Variants in ASB4 observed in about 807,000 individuals in gnomAD.
The protein encoded by ASB4 is ankyrin repeat and SOCS box protein 4.
A neutral mutation model predicts 38.6 loss-of-function variants in ASB4; 35 were observed. That is an observed-to-expected ratio of 0.91 (90% confidence interval 0.69 to 1.20). The LOEUF (loss-of-function observed/expected upper bound fraction) is 1.20. Ranked by LOEUF, ASB4 falls within the 50% of genes most tolerant of loss-of-function variation. The pLI is 0.00. For synonymous variants in ASB4, 195 were observed against 201.3 expected, an observed-to-expected ratio of 0.97 and a Z score of 0.26; for missense variants, 557 against 527.2, an observed-to-expected ratio of 1.06 and a Z score of -0.55.
upstream of ASB4, among the ~76,000 whole-genome samples, chr7:95,476,547 A>G (rs926916981): frequency 4.6e-5 from 7 of 152,312 alleles, 2 homozygotes; most frequent in South Asian, 1.4e-3. Context: ...ACTAGAAAAG[A>G]CCAGGGCTGG....
At chr7:95,483,014 C>A (rs539138439), upstream of ASB4, among the ~76,000 whole-genome samples, 1 of 152,290 alleles carries the variant, frequency 6.6e-6, no homozygotes, top group Admixed American at 6.5e-5. Flanking sequence ...AAGAAGATGG[C>A]ACAATAGAAG....
intron 2 of ASB4, among the ~76,000 whole-genome samples, chr7:95,499,050 G>C (rs1297973686): frequency 6.6e-6 from 1 of 152,006 alleles, no homozygotes; most frequent in Non-Finnish European, 1.5e-5. Flanking sequence ...GATTGCCACA[G>C]GTTTGTATCA....
rs1790173316 is a variant in ASB4 at position 95,491,654 on chromosome 7, T to C, written c.188-4104T>C. ...GCTGTGGTCATTGGTGGTTATATTT[T>C]GGGGGACAAATTCTGATCTCTTGAC... On this transcript the variant is annotated intron_variant, in intron 1 of 4. Coordinates refer to ENST00000325885, the MANE Select transcript of ASB4 (RefSeq NM_016116.3). Among the ~76,000 whole-genome samples the C allele has an allele frequency of 2.0e-5, 3 of 152,204 alleles. No homozygotes were observed. In the South Asian group the frequency reaches 6.2e-4, roughly 32 times the overall value.
chr7:95,470,855 T>C, the ASB4 span, among the ~76,000 whole-genome samples: 403 of 152,308 alleles, frequency 2.6e-3, 3 homozygotes, highest in Non-Finnish European at 4.3e-3. Context: ...ACATGTTTTA[T>C]TCAAAATTCT....
chr7:95,499,942 C>T lies in ASB4; in HGVS notation c.487+3885C>T, dbSNP rs191593948. Among the ~76,000 whole-genome samples, 60 of 135,734 alleles carry T rather than the reference C, an allele frequency of 4.4e-4. No homozygotes were observed. The East Asian group carries it at 9.2e-3, about 21-fold the overall frequency. 89.0% of individuals were successfully genotyped at this position (135,734 alleles called of 152,430 possible). A position where few individuals can be genotyped will look rare whatever the true frequency, so the allele number is the denominator to read the frequency against. On this transcript the variant is annotated intron_variant, in intron 2 of 4. Coordinates refer to ENST00000325885, the MANE Select transcript of ASB4 (RefSeq NM_016116.3). ...GGGCTGGAGTGCAGTGGTGCGATCT[C>T]GGCTCACTGCAAGCTCTGCCTCCCG...
chr7:95,491,760 CTCCATGACAGTAAGTGTATTTACT>C (rs1215468265), intron 1 of ASB4, among the ~76,000 whole-genome samples: 2 of 152,148 alleles, frequency 1.3e-5, no homozygotes, highest in African/African-American at 4.8e-5. Context: ...GGGTTTGGTC[CTCCATGACAGTAAGTGTATTTACT>C]TCCACACTTG....
chr7:95,501,446 C>A (rs1004077328), intron 2 of ASB4, among the ~76,000 whole-genome samples: 3 of 152,164 alleles, frequency 2.0e-5, no homozygotes, highest in Admixed American at 6.5e-5. Context: ...AATAGATAGG[C>A]CTGCTGGACA....
rs533803896 is a variant in ASB4 at position 95,537,931 on chromosome 7, A to C, written c.*172A>C. The stretch of plus-strand genomic sequence containing the variant: ...ATATCATGGTATGGGGAAATAAAGA[A>C]GAAGTAAAGTTAAGGAATTTTCAAA... On this transcript the variant is annotated 3_prime_UTR_variant, in exon 5 of 5. Coordinates refer to ENST00000325885, the MANE Select transcript of ASB4 (RefSeq NM_016116.3). 1.3e-4 allele frequency: 76 copies of C among 592,674 alleles called. 3 individuals are homozygous for C. The South Asian group carries it at 1.7e-3, about 13-fold the overall frequency. The allele number at this position is 592,674 out of a possible 1,614,324, so 36.7% of individuals were successfully genotyped here.
rs1562817284 is a variant in ASB4, at chr7:95,515,301, CTTTCTTTCTTTCTTT to C, written c.488-12511_488-12497del. On this transcript the variant is annotated intron_variant, in intron 2 of 4. Transcript: ENST00000325885. ...TCTTTCTTTCTTTCTTTCTTTCTTT[CTTTCTTTCTTTCTTT>C]CTTCCTTCCTTCCTTCCTTTCTTTC... Among the ~76,000 whole-genome samples the C allele has an allele frequency of 8.2e-4, 100 of 122,356 alleles. 1 individual carries two copies. The highest frequency in any genetic ancestry group is 2.5e-3 in the African/African-American group (83 of 33,352). 80.3% of individuals were successfully genotyped at this position (122,356 alleles called of 152,430 possible).
chr7:95,538,813 C>A lies in ASB4; in HGVS notation c.*1054C>A, dbSNP rs1054212088. The A allele has an allele frequency of 6.6e-6, 1 of 152,092 alleles. No homozygotes were observed. The highest frequency in any genetic ancestry group is 2.4e-5 in the African/African-American group (1 of 41,384). 9.4% of individuals were successfully genotyped at this position (152,092 alleles called of 1,614,324 possible). On this transcript the variant is annotated 3_prime_UTR_variant, in exon 5 of 5. Transcript: ENST00000325885. ...GGGGGAAAGAAAGTGTGTGAGGGGA[C>A]CTAGTTGATTACTTCGGTCTTTTTA...
intron 2 of ASB4, among the ~76,000 whole-genome samples, chr7:95,525,938 C>G (rs1051800804): frequency 3.3e-5 from 5 of 152,152 alleles, no homozygotes; most frequent in African/African-American, 1.2e-4. Flanking sequence ...ATTGAGCATG[C>G]TTGTAGGAGT....
intron 2 of ASB4, among the ~76,000 whole-genome samples, chr7:95,513,253 G>GTTTTTTT (rs536945120): frequency 6.5e-5 from 5 of 77,042 alleles, no homozygotes; most frequent in South Asian, 5.6e-4. Context: ...TTTTTTGTTT[G>GTTTTTTT]TTTTTTTTTT....
At position 95,495,738 on chromosome 7, in the gene ASB4, CT is replaced by C. The variant is rs35506436; in HGVS notation, c.188-4del. The C allele has an allele frequency of 0.11, 152,144 of 1,345,250 alleles. 1,513 individuals carry two copies. The highest frequency in any genetic ancestry group is 0.26 in the African/African-American group (17,120 of 66,070). 83.3% of individuals were successfully genotyped at this position (1,345,250 alleles called of 1,614,324 possible). A position where few individuals can be genotyped will look rare whatever the true frequency, so the allele number is the denominator to read the frequency against. On this transcript the variant is annotated intron_variant, in intron 1 of 4. Transcript: ENST00000325885. ...GTCAAGAAGTTAAACTTTCCTTTTCCTTTTTTTTTTTTTTTTCAGGTTACTG... is the reference window on the plus strand; with the variant it reads ...GTCAAGAAGTTAAACTTTCCTTTTCCTTTTTTTTTTTTTTTCAGGTTACTG...
chr7:95,488,013 A>G (rs1790116661), intron 1 of ASB4, among the ~76,000 whole-genome samples: 1 of 152,198 alleles, frequency 6.6e-6, no homozygotes, highest in South Asian at 2.1e-4. Flanking sequence ...CTGTCTCTTT[A>G]GTCTTAAACC....
At chr7:95,540,847 T>C (rs563075473), downstream of ASB4, among the ~76,000 whole-genome samples, 17 of 152,320 alleles carry the variant, frequency 1.1e-4, no homozygotes, top group African/African-American at 2.4e-4. Context: ...AAAAACACAG[T>C]AGTCGAACGA....
At chr7:95,505,811 G>C (rs1012851193) in intron 2 of ASB4, among the ~76,000 whole-genome samples, 1 of 151,662 alleles carries the variant, frequency 6.6e-6, no homozygotes, top group Non-Finnish European at 1.5e-5. Flanking sequence ...GTAGAAAACT[G>C]TCTTATTTCA....
At chr7:95,504,135 A>G (rs145594813) in intron 2 of ASB4, among the ~76,000 whole-genome samples, 127 of 152,230 alleles carry the variant, frequency 8.3e-4, no homozygotes, top group Admixed American at 7.7e-3. Context: ...GCAGCATATT[A>G]TTTCTACCTA....
At chr7:95,508,216 G>A (rs147153438) in intron 2 of ASB4, among the ~76,000 whole-genome samples, 4 of 152,236 alleles carry the variant, frequency 2.6e-5, no homozygotes, top group African/African-American at 7.2e-5. Context: ...TCCAGAGCAG[G>A]TAAAAGGATT....
chr7:95,487,174 G>A (rs865796078), intron 1 of ASB4, among the ~76,000 whole-genome samples: 4 of 152,122 alleles, frequency 2.6e-5, no homozygotes, highest in Admixed American at 2.0e-4. Context: ...TCCTCCGATT[G>A]TCAGTTCTGA....
Sources: gnomAD v4.1 joint callset for allele counts (sites outside exome capture counted in the v4.1 genomes callset) on GRCh38, gnomAD v4.1.1 for gene constraint, MANE v1.5 for transcripts, NCBI Gene and HGNC (gene_info 2026-07-23, HGNC 2026-07-21) for gene names.